The following SMIM35 variants were observed in gnomAD, a reference collection of about 807,000 sequenced individuals.
SMIM35 encodes small integral membrane protein 35, also known as TMPRSS4 antisense RNA 1 (non-protein coding).
intron 1 of SMIM35, among the ~76,000 whole-genome samples, chr11:118,051,940 G>A (rs1204192988): frequency 6.6e-6 from 1 of 152,170 alleles, no homozygotes; most frequent in East Asian, 1.9e-4. Flanking sequence ...CTAGGTGTGA[G>A]GTCCCACCTG....
chr11:118,082,287 G>A (rs1396380467), intron 1 of SMIM35, among the ~76,000 whole-genome samples: 1 of 152,188 alleles, frequency 6.6e-6, no homozygotes, highest in African/African-American at 2.4e-5. Context: ...TCAGCCGGGT[G>A]TGGTGGCTCA....
chr11:118,079,065 G>C (rs893375272), intron 1 of SMIM35, among the ~76,000 whole-genome samples: 1 of 152,122 alleles, frequency 6.6e-6, no homozygotes, highest in Admixed American at 6.5e-5. Context: ...GCGGGGGAGG[G>C]CAGGTGGGAA....
In SMIM35 at chr11:118,004,246, T is replaced by C. The variant is rs2058111402; in HGVS notation, c.*2164A>G. ...GGGAGTGACAGCTTCAACATGAATT[T>C]GGGGAAGACAAAAATATTCAGTTCA... is the stretch of plus-strand genomic sequence containing the variant. On this transcript the variant is annotated 3_prime_UTR_variant, in exon 5 of 5. Transcript: ENST00000689828. The C allele has an allele frequency of 6.6e-6, 1 of 152,196 alleles. No homozygotes were observed. The highest frequency in any genetic ancestry group is 6.5e-5 in the Admixed American group (1 of 15,280). 9.4% of individuals were successfully genotyped at this position (152,196 alleles called of 1,614,324 possible). A position where few individuals can be genotyped will look rare whatever the true frequency, so the allele number is the denominator to read the frequency against.
intron 1 of SMIM35, among the ~76,000 whole-genome samples, chr11:118,083,097 G>T (rs1945281655): frequency 6.6e-6 from 1 of 152,182 alleles, no homozygotes; most frequent in Non-Finnish European, 1.5e-5. Flanking sequence ...CCCCAGGGGT[G>T]CTCAGAGCCC....
At chr11:118,055,138 A>G (rs1360690978) in intron 1 of SMIM35, among the ~76,000 whole-genome samples, 2 of 152,078 alleles carry the variant, frequency 1.3e-5, no homozygotes, top group Non-Finnish European at 2.9e-5. Context: ...CAGGATTTCA[A>G]CATTCAGGAT....
At chr11:118,075,721 G>A (rs1944663629) in intron 1 of SMIM35, among the ~76,000 whole-genome samples, 1 of 152,232 alleles carries the variant, frequency 6.6e-6, no homozygotes, top group Non-Finnish European at 1.5e-5. Flanking sequence ...CTGGTCTCCT[G>A]GGAGGGTCAG....
intron 1 of SMIM35, among the ~76,000 whole-genome samples, chr11:118,076,323 T>C (rs1392211968): frequency 2.0e-5 from 3 of 151,446 alleles, no homozygotes; most frequent in Non-Finnish European, 4.4e-5. Flanking sequence ...GGCAGGTGGC[T>C]GTAGTCCCAG....
intron 4 of SMIM35, among the ~76,000 whole-genome samples, chr11:118,012,362 C>T (rs908390100): frequency 3.3e-5 from 5 of 152,200 alleles, no homozygotes; most frequent in Non-Finnish European, 7.3e-5. Flanking sequence ...TGATGACTCA[C>T]GAGGGGAACT....
At chr11:118,022,194 G>A (rs2058236304) in intron 1 of SMIM35, among the ~76,000 whole-genome samples, 1 of 152,054 alleles carries the variant, frequency 6.6e-6, no homozygotes, top group Admixed American at 6.6e-5. Context: ...GGGACTACAG[G>A]TGCCTGCCAC....
At chr11:118,033,455 T>C (rs1168237247) in intron 1 of SMIM35, among the ~76,000 whole-genome samples, 1 of 152,352 alleles carries the variant, frequency 6.6e-6, no homozygotes, top group South Asian at 2.1e-4. Context: ...GATAAATTCC[T>C]GTGTATTTTT....
chr11:118,006,906 G>A (rs1459707098), intron 4 of SMIM35, among the ~76,000 whole-genome samples: 1 of 152,186 alleles, frequency 6.6e-6, no homozygotes, highest in African/African-American at 2.4e-5. Context: ...AAGAGACAAG[G>A]CAAAGGACCA....
intron 1 of SMIM35, chr11:118,077,186 C>T: frequency 7.3e-7 from 1 of 1,372,196 alleles, no homozygotes; most frequent in African/African-American, 1.4e-5. Context: ...CCAGTGCTGA[C>T]CAGGGACTTC....
chr11:118,012,772 G>A (rs1164500789), intron 4 of SMIM35, among the ~76,000 whole-genome samples: 1 of 152,206 alleles, frequency 6.6e-6, no homozygotes, highest in Non-Finnish European at 1.5e-5. Context: ...AGTCTTCAGG[G>A]AAGTTGGCCT....
At chr11:118,070,952 C>A (rs147236334) in intron 1 of SMIM35, among the ~76,000 whole-genome samples, 1 of 152,310 alleles carries the variant, frequency 6.6e-6, no homozygotes, top group East Asian at 1.9e-4. Flanking sequence ...GGATCTCAAC[C>A]CTGCCTGAGC....
At chr11:118,042,965 A>G (rs1376818862) in intron 1 of SMIM35, among the ~76,000 whole-genome samples, 1 of 152,238 alleles carries the variant, frequency 6.6e-6, no homozygotes, top group Non-Finnish European at 1.5e-5. Flanking sequence ...CATGATAAAA[A>G]CACTCAACAA....
chr11:118,085,883 G>A (rs535853929), intron 1 of SMIM35, among the ~76,000 whole-genome samples: 1 of 152,316 alleles, frequency 6.6e-6, no homozygotes, highest in Admixed American at 6.5e-5. Context: ...CACCACTCTG[G>A]AACAGAGGGA....
At chr11:118,050,910 C>G (rs1181600014) in intron 1 of SMIM35, among the ~76,000 whole-genome samples, 1 of 152,216 alleles carries the variant, frequency 6.6e-6, no homozygotes, top group Admixed American at 6.5e-5. Context: ...GTGACCTCCC[C>G]CAATCCATCC....
At chr11:118,024,353 A>T (rs1022433071) in intron 1 of SMIM35, among the ~76,000 whole-genome samples, 1 of 152,204 alleles carries the variant, frequency 6.6e-6, no homozygotes, top group East Asian at 1.9e-4. Flanking sequence ...ATTCTTTTTA[A>T]CTAAACCATA....
At chr11:118,035,918 C>T (rs764528171) in intron 1 of SMIM35, among the ~76,000 whole-genome samples, 3 of 150,514 alleles carry the variant, frequency 2.0e-5, no homozygotes, top group South Asian at 2.1e-4. Context: ...AGTCGAGTCT[C>T]GCTCTATCGC....
Sources: gnomAD v4.1 joint callset for allele counts (sites outside exome capture counted in the v4.1 genomes callset) on GRCh38, gnomAD v4.1.1 for gene constraint, MANE v1.5 for transcripts, NCBI Gene and HGNC (gene_info 2026-07-23, HGNC 2026-07-21) for gene names.